SFMBT1: variants seen among roughly 807,000 people sequenced by gnomAD.
SFMBT1 encodes the protein Scm like with four mbt domains 1.
In SFMBT1, 32 loss-of-function variants were observed where a neutral mutation model predicts 108.7. The observed-to-expected ratio is 0.29, with a 90% confidence interval of 0.22 to 0.40. The LOEUF is 0.40. SFMBT1 is among the 10% of genes least tolerant of loss of function. The pLI is 1.00. For missense variants in SFMBT1, 816 were observed against 1,059.6 expected, an observed-to-expected ratio of 0.77 and a Z score of 3.19; for synonymous variants, 348 against 369.5, an observed-to-expected ratio of 0.94 and a Z score of 0.67.
intron 2 of SFMBT1, among the ~76,000 whole-genome samples, chr3:52,967,643 A>G (rs78713388): frequency 0.012 from 1,819 of 152,330 alleles, 48 homozygotes; most frequent in African/African-American, 0.042. Flanking sequence ...AAATAAACCA[A>G]TTGATAATGA....
chr3:53,045,495 T>G (rs867258507), intron 1 of SFMBT1, among the ~76,000 whole-genome samples: 1 of 142,992 alleles, frequency 7.0e-6, no homozygotes, highest in Non-Finnish European at 1.5e-5. Context: ...CCGCGCTGCC[T>G]GCCAGGGGCT....
chr3:53,033,769 C>CA (rs538122738), intron 1 of SFMBT1, among the ~76,000 whole-genome samples: 5,030 of 107,402 alleles, frequency 0.047, 215 homozygotes, highest in South Asian at 0.23. Context: ...CCAAAAAAGA[C>CA]AAAAAAAAAA....
rs1234025337 is a variant in SFMBT1, at chr3:52,945,446, C to T, written c.124-1853G>A. Among the ~76,000 whole-genome samples the T allele has an allele frequency of 3.3e-5, 5 of 151,332 alleles. No individual in the cohort carries two copies. In the East Asian group the frequency reaches 7.7e-4, roughly 23 times the overall value. ...GACAGATCTTCCTTAGAGTAGAAAACCAGTTAATAAATATTGAAAAAAAAA... is the reference window on the plus strand; with the variant it reads ...GACAGATCTTCCTTAGAGTAGAAAATCAGTTAATAAATATTGAAAAAAAAA... On this transcript the variant is annotated intron_variant, in intron 3 of 20. Transcript: ENST00000394752.
At position 52,912,632 on chromosome 3, in the gene SFMBT1, T is replaced by C. The variant is rs1185404050; in HGVS notation, c.1636A>G (p.Ile546Val). 6.2e-7 allele frequency: 1 copy of C among 1,613,786 alleles called. No homozygotes were observed. Among genetic ancestry groups the C allele is most frequent in the Non-Finnish European group, 8.5e-7 (1 of 1,179,866 alleles). Residue 546 changes from isoleucine to valine, a missense_variant, in exon 16 of 21, where the codon ATC becomes GTC. Coordinates refer to ENST00000394752, the MANE Select transcript of SFMBT1 (RefSeq NM_016329.4). ...CGGCTGGGTTTGTAGGCTGCATTGA[T>C]AAGTAAAGTGAGGACCTGAGCTCAG... is the stretch of plus-strand genomic sequence containing the variant. ...LVLREVLTLL[I>V]NAAYKPSRVL...
chr3:52,967,392 G>A (rs531402454), intron 2 of SFMBT1, among the ~76,000 whole-genome samples: 2 of 152,316 alleles, frequency 1.3e-5, no homozygotes, highest in East Asian at 3.9e-4. Flanking sequence ...GAGACAGAAA[G>A]TAGATTATGG....
intron 14 of SFMBT1, among the ~76,000 whole-genome samples, chr3:52,915,598 C>T (rs1244753549): frequency 2.6e-5 from 4 of 152,326 alleles, no homozygotes; most frequent in South Asian, 4.1e-4. Flanking sequence ...CTAAACATTA[C>T]ACAACAAGCA....
chr3:52,962,555 T>G lies in SFMBT1; in HGVS notation c.28+6546A>C, dbSNP rs151011452. On this transcript the variant is annotated intron_variant, in intron 2 of 20. Coordinates refer to ENST00000394752, the MANE Select transcript of SFMBT1 (RefSeq NM_016329.4). ...GCGCAGTGGCTCATGCCTATAATAC[T>G]AGCACTTTGGGAGGCCGAGGTGGGT... 4.6e-3 allele frequency among the ~76,000 whole-genome samples: 695 copies of G among 152,188 alleles called. 12 individuals carry two copies. The highest frequency in any genetic ancestry group is 0.016 in the African/African-American group (654 of 41,534).
intron 17 of SFMBT1, 37 bp downstream of exon 17, chr3:52,910,966 G>T: frequency 6.2e-7 from 1 of 1,604,270 alleles, no homozygotes; most frequent in Non-Finnish European, 8.5e-7. Flanking sequence ...GGTATGGTCA[G>T]CTGCTATGGT....
chr3:53,022,277 C>T (rs529063268), intron 1 of SFMBT1, among the ~76,000 whole-genome samples: 2 of 151,854 alleles, frequency 1.3e-5, no homozygotes, highest in South Asian at 4.2e-4. Context: ...TGGTGAAACC[C>T]CATCTCTAGT....
At chr3:52,976,616 CTAAA>C (rs1199479637) in intron 1 of SFMBT1, among the ~76,000 whole-genome samples, 1 of 152,034 alleles carries the variant, frequency 6.6e-6, no homozygotes, top group Non-Finnish European at 1.5e-5. Context: ...ATACATTTGA[CTAAA>C]TAAACATTTA....
chr3:52,923,114 C>G (rs1227535463), intron 10 of SFMBT1, among the ~76,000 whole-genome samples: 1 of 152,102 alleles, frequency 6.6e-6, no homozygotes, highest in African/African-American at 2.4e-5. Flanking sequence ...CCAAGAATTA[C>G]CAGACACCTA....
intron 1 of SFMBT1, among the ~76,000 whole-genome samples, chr3:52,971,741 G>T (rs1314672735): frequency 1.3e-5 from 2 of 152,124 alleles, no homozygotes; most frequent in African/African-American, 4.8e-5. Flanking sequence ...TATAAAGGCA[G>T]GTCTAACCTA....
At chr3:52,950,942 A>G (rs1468220305) in intron 3 of SFMBT1, among the ~76,000 whole-genome samples, 2 of 151,492 alleles carry the variant, frequency 1.3e-5, no homozygotes, top group Admixed American at 1.3e-4. Context: ...AGCAAGACCC[A>G]TCTCTACCAA....
intron 1 of SFMBT1, among the ~76,000 whole-genome samples, chr3:53,008,328 A>G (rs899477581): frequency 1.3e-5 from 2 of 152,210 alleles, no homozygotes; most frequent in African/African-American, 4.8e-5. Context: ...GAAGAAAACA[A>G]GTTTTCTCTA....
intron 8 of SFMBT1, chr3:52,928,573 C>CAT (rs949880119): frequency 5.3e-6 from 1 of 190,376 alleles, no homozygotes; most frequent in Admixed American, 6.6e-5. Context: ...AGTACATATA[C>CAT]ATATATATAC....
At chr3:52,954,709 A>G (rs900343914) in intron 2 of SFMBT1, among the ~76,000 whole-genome samples, 3 of 152,200 alleles carry the variant, frequency 2.0e-5, no homozygotes, top group Non-Finnish European at 4.4e-5. Context: ...TAGGAGTATA[A>G]ACCATTACTA....
At chr3:53,034,535 G>A (rs1186475408) in intron 1 of SFMBT1, among the ~76,000 whole-genome samples, 3 of 151,654 alleles carry the variant, frequency 2.0e-5, no homozygotes, top group East Asian at 1.9e-4. Flanking sequence ...AGCCAAGATC[G>A]CACCACTGTA....
chr3:52,941,283 G>GA (rs1703172183), intron 4 of SFMBT1, among the ~76,000 whole-genome samples: 1 of 152,096 alleles, frequency 6.6e-6, no homozygotes, highest in Admixed American at 6.6e-5. Context: ...CATGATCTGG[G>GA]ATTTTTCTTT....
chr3:52,947,597 G>C (rs897120364), intron 3 of SFMBT1, among the ~76,000 whole-genome samples: 5 of 152,044 alleles, frequency 3.3e-5, no homozygotes, highest in African/African-American at 9.7e-5. Flanking sequence ...GTGGGCATCA[G>C]TTCTTTGACA....
Sources: gnomAD v4.1 joint callset for allele counts (sites outside exome capture counted in the v4.1 genomes callset) on GRCh38, gnomAD v4.1.1 for gene constraint, MANE v1.5 for transcripts, NCBI Gene and HGNC (gene_info 2026-07-23, HGNC 2026-07-21) for gene names.